The following CSMD3 variants were observed in gnomAD, a reference collection of about 807,000 sequenced individuals.
CSMD3 encodes CUB and sushi domain-containing protein 3.
In CSMD3, 177 loss-of-function variants were observed where a neutral mutation model predicts 435.2. That is an observed-to-expected ratio of 0.41 (90% confidence interval 0.36 to 0.46). CSMD3 has a LOEUF of 0.46. Among genes scored for constraint, CSMD3 ranks in the 20% least tolerant of loss-of-function variants. The pLI, the probability that CSMD3 is intolerant of heterozygous loss-of-function variation, is 0.34. For synonymous variants in CSMD3, 1,656 were observed against 1,520.5 expected (o/e 1.09, Z -2.07); for missense variants, 4,265 against 4,504.6 (o/e 0.95, Z 1.52).
intron 32 of CSMD3, among the ~76,000 whole-genome samples, chr8:112,454,901 A>G (rs1816672089): frequency 6.6e-6 from 1 of 152,038 alleles, no homozygotes; most frequent in Admixed American, 6.6e-5. Context: ...TAAAATGACC[A>G]CGACTGTGGT....
chr8:112,852,085 AT>A (rs1379610999), intron 11 of CSMD3, among the ~76,000 whole-genome samples: 1 of 152,180 alleles, frequency 6.6e-6, no homozygotes, highest in African/African-American at 2.4e-5. Flanking sequence ...AAAGGAGGGT[AT>A]GGATCAGCAA....
At chr8:113,198,111 A>C (rs1325462832) in intron 3 of CSMD3, among the ~76,000 whole-genome samples, 1 of 151,446 alleles carries the variant, frequency 6.6e-6, no homozygotes, top group Non-Finnish European at 1.5e-5. Flanking sequence ...GTTATTGTGC[A>C]GTGGTTACCC....
At chr8:113,380,249 TTTATC>T (rs2094409341) in intron 1 of CSMD3, among the ~76,000 whole-genome samples, 1 of 150,880 alleles carries the variant, frequency 6.6e-6, no homozygotes, top group Non-Finnish European at 1.5e-5. Flanking sequence ...CTTTCACAGG[TTTATC>T]TTATAACATT....
chr8:113,270,440 A>G (rs962236038), intron 3 of CSMD3, among the ~76,000 whole-genome samples: 3 of 152,198 alleles, frequency 2.0e-5, no homozygotes, highest in Non-Finnish European at 4.4e-5. Context: ...ATCTAGAACT[A>G]GAAATACCAT....
At chr8:112,879,898 C>A (rs1004378586) in intron 10 of CSMD3, among the ~76,000 whole-genome samples, 1 of 151,852 alleles carries the variant, frequency 6.6e-6, no homozygotes, top group Non-Finnish European at 1.5e-5. Context: ...GGAAGGGGAA[C>A]ATCACACACC....
intron 69 of CSMD3, among the ~76,000 whole-genome samples, chr8:112,231,296 C>A (rs1030986764): frequency 6.6e-6 from 1 of 152,168 alleles, no homozygotes; most frequent in South Asian, 2.1e-4. Flanking sequence ...TGCTTAAAGG[C>A]AAGCCAGTTT....
At chr8:113,292,384 T>G (rs116735608) in intron 2 of CSMD3, among the ~76,000 whole-genome samples, 2 of 151,774 alleles carry the variant, frequency 1.3e-5, no homozygotes, top group East Asian at 3.9e-4. Context: ...TTAAGAAAAT[T>G]CAATAATATA....
intron 5 of CSMD3, among the ~76,000 whole-genome samples, chr8:113,084,139 T>C (rs1188170438): frequency 2.0e-5 from 3 of 152,078 alleles, no homozygotes; most frequent in Non-Finnish European, 1.5e-5. Context: ...ATAAAAGGCA[T>C]CCAAATTACA....
At chr8:113,136,734 A>G (rs897112713) in intron 4 of CSMD3, among the ~76,000 whole-genome samples, 2 of 151,764 alleles carry the variant, frequency 1.3e-5, no homozygotes, top group African/African-American at 4.8e-5. Context: ...AGAAAGAGAA[A>G]TAAAGGAAGA....
At chr8:112,475,725 C>A (rs144789574) in intron 31 of CSMD3, among the ~76,000 whole-genome samples, 108 of 152,246 alleles carry the variant, frequency 7.1e-4, no homozygotes, top group African/African-American at 2.4e-3. Flanking sequence ...TTCACAGATT[C>A]TCCTAATATT....
intron 10 of CSMD3, among the ~76,000 whole-genome samples, chr8:112,914,760 A>C (rs1301796781): frequency 1.3e-5 from 2 of 151,790 alleles, no homozygotes; most frequent in African/African-American, 4.8e-5. Flanking sequence ...TGCGTGGTAC[A>C]ATTATACATT....
intron 30 of CSMD3, among the ~76,000 whole-genome samples, chr8:112,502,162 G>A (rs76860694): frequency 1.3e-5 from 2 of 152,116 alleles, no homozygotes; most frequent in Non-Finnish European, 1.5e-5. Context: ...TTATCTACCA[G>A]GTGGTTAGAG....
chr8:113,104,392 C>A (rs2090417458), intron 4 of CSMD3, among the ~76,000 whole-genome samples: 1 of 152,032 alleles, frequency 6.6e-6, no homozygotes, highest in Non-Finnish European at 1.5e-5. Context: ...CTGTTGTGTG[C>A]CTAATTAGGC....
chr8:112,599,485 G>C (rs1385063422), intron 22 of CSMD3, among the ~76,000 whole-genome samples: 2 of 151,366 alleles, frequency 1.3e-5, no homozygotes, highest in Non-Finnish European at 2.9e-5. Context: ...TCTAGAACTA[G>C]AAATACCATT....
At chr8:112,494,908 A>C (rs1240984703) in intron 30 of CSMD3, among the ~76,000 whole-genome samples, 4 of 152,032 alleles carry the variant, frequency 2.6e-5, no homozygotes, top group Admixed American at 6.6e-5. Flanking sequence ...AAATGACTTG[A>C]TCTTCTCCCA....
rs533489245 is a variant in CSMD3, at chr8:112,314,560, C to G, written c.7418G>C (p.Gly2473Ala). The G allele has an allele frequency of 6.2e-7, 1 of 1,612,738 alleles. No homozygotes were observed. Among genetic ancestry groups the G allele is most frequent in the Non-Finnish European group, 8.5e-7 (1 of 1,178,928 alleles). ...AAGATTTGGGTAACTGTCAGGATAT[C>G]CAGGGCTCAATATGACTCCAGTAGA... ...LDSTGVILSP[G>A]YPDSYPNLQM... Residue 2473 changes from glycine (G) to alanine (A), a missense_variant, in exon 48 of 71, where the codon GGA becomes GCA. Physicochemically the swap from Gly to Ala is moderately conservative, Grantham distance 60. Transcript: ENST00000297405.
At chr8:112,411,189 T>G (rs1035771813) in intron 32 of CSMD3, among the ~76,000 whole-genome samples, 1 of 151,498 alleles carries the variant, frequency 6.6e-6, no homozygotes, top group African/African-American at 2.4e-5. Flanking sequence ...AAAACAGTTT[T>G]GCATTACCTC....
rs145392769 is a variant in CSMD3, at chr8:113,212,752, G to C, written c.515-38836C>G. ...AGGGCCTGTTGTGGGGTGGGGGAAGGGGGGAGGGATAGCATTAGGAGATAT... is the reference window on the plus strand; with the variant it reads ...AGGGCCTGTTGTGGGGTGGGGGAAGCGGGGAGGGATAGCATTAGGAGATAT... On this transcript the variant is annotated intron_variant, in intron 3 of 70. Coordinates refer to ENST00000297405, the MANE Select transcript of CSMD3 (RefSeq NM_198123.2). Among the ~76,000 whole-genome samples the C allele has an allele frequency of 3.2e-4, 49 of 151,922 alleles. No individual in the cohort carries two copies. In the East Asian group the frequency reaches 8.2e-3, roughly 25 times the overall value.
chr8:112,470,954 A>G (rs965163577), intron 32 of CSMD3, among the ~76,000 whole-genome samples: 1 of 152,180 alleles, frequency 6.6e-6, no homozygotes, highest in Admixed American at 6.5e-5. Flanking sequence ...TTATTGGCTC[A>G]ACGTAGCAGT....
Sources: gnomAD v4.1 joint callset for allele counts (sites outside exome capture counted in the v4.1 genomes callset) on GRCh38, gnomAD v4.1.1 for gene constraint, MANE v1.5 for transcripts, NCBI Gene and HGNC (gene_info 2026-07-23, HGNC 2026-07-21) for gene names.